Variants in SMYD4 observed in about 807,000 individuals in gnomAD.
SMYD4 encodes SET and MYND domain containing 4.
In SMYD4, 68 loss-of-function variants were observed where a neutral mutation model predicts 72.8. The ratio of observed to expected loss-of-function variants is 0.93; its 90% CI spans 0.77 to 1.14. The LOEUF is 1.14. Among genes scored for constraint, SMYD4 ranks in the 50% most tolerant of loss-of-function variants. The pLI, the probability that SMYD4 is intolerant of heterozygous loss-of-function variation, is 0.00. For missense variants in SMYD4, 984 were observed against 1,003.7 expected, an observed-to-expected ratio of 0.98 and a Z score of 0.27; for synonymous variants, 407 against 388.6, an observed-to-expected ratio of 1.05 and a Z score of -0.56.
In SMYD4 at chr17:1,800,725, C is replaced by G; in HGVS notation, c.669G>C (p.Glu223Asp). The change falls in exon 5 of 11, where the codon GAG (glutamate) becomes GAC (aspartate). Residue 223 changes from glutamate (E) to aspartate (D), a missense_variant. Glu to Asp is a conservative substitution (Grantham distance 45, BLOSUM62 2). Transcript: ENST00000305513. ...AGGCATTGGAAAGTTGTTCATTCTC[C>G]TCCCTCAGCGCTGCATCCTCAAGGG... ...AKTLEDAALR[E>D]ENEQLSNASS... 6.2e-7 allele frequency: 1 copy of G among 1,614,230 alleles called. No homozygotes were observed.
chr17:1,804,800 T>C (rs1256616486), intron 3 of SMYD4, 85 bp from the exon 4 acceptor site: 24 of 1,335,240 alleles, frequency 1.8e-5, no homozygotes, highest in Non-Finnish European at 2.1e-5. Context: ...GCTCTAGTAC[T>C]GAAGACTGTG....
chr17:1,785,925 A>C (rs959299870), intron 7 of SMYD4, among the ~76,000 whole-genome samples: 6 of 152,206 alleles, frequency 3.9e-5, no homozygotes, highest in Non-Finnish European at 8.8e-5. Flanking sequence ...GCAGAGGGGA[A>C]ACCTCCGAGG....
chr17:1,819,918 C>G (rs1682522140), intron 2 of SMYD4, among the ~76,000 whole-genome samples: 1 of 151,846 alleles, frequency 6.6e-6, no homozygotes, highest in South Asian at 2.1e-4. Context: ...CTCCCAAGTA[C>G]CTGGGATTAC....
chr17:1,791,619 G>A lies in SMYD4; in HGVS notation c.1538-4015C>T, dbSNP rs73976124. ...ACAATGAAAGTGAACCTTGCTGGTGGGCGCGTCAGTGGAACTTTCCTGGAG... is the reference window on the plus strand; with the variant it reads ...ACAATGAAAGTGAACCTTGCTGGTGAGCGCGTCAGTGGAACTTTCCTGGAG... On this transcript the variant is annotated intron_variant, in intron 5 of 10. Transcript: ENST00000305513. Among the ~76,000 whole-genome samples the A allele has an allele frequency of 9.2e-3, 1,399 of 152,236 alleles. 32 individuals carry two copies. The highest frequency in any genetic ancestry group is 0.032 in the African/African-American group (1,329 of 41,540).
intron 5 of SMYD4, among the ~76,000 whole-genome samples, chr17:1,791,551 A>T (rs545399308): frequency 6.6e-6 from 1 of 152,286 alleles, no homozygotes; most frequent in South Asian, 2.1e-4. Context: ...ATATAACAAG[A>T]TTAGAAATAT....
intron 5 of SMYD4, among the ~76,000 whole-genome samples, chr17:1,794,039 A>ATATATATATGTG (rs1567770772): frequency 0.013 from 886 of 68,042 alleles, 27 homozygotes; most frequent in Non-Finnish European, 0.018. Context: ...ATATATATGT[A>ATATATATATGTG]TGTATATATA....
chr17:1,816,344 G>A (rs1244495770), intron 2 of SMYD4, among the ~76,000 whole-genome samples: 2 of 151,768 alleles, frequency 1.3e-5, no homozygotes, highest in Admixed American at 6.6e-5. Flanking sequence ...TTTTGGCCAG[G>A]CGCGGTGGCT....
At position 1,787,581 on chromosome 17, in the gene SMYD4, C is replaced by T. The variant is rs746655849; in HGVS notation, c.1561G>A (p.Asp521Asn). Residue 521 changes from aspartate (D) to asparagine (N), a missense_variant, in exon 6 of 11, where the codon GAC becomes AAC. Coordinates refer to ENST00000305513, the MANE Select transcript of SMYD4 (RefSeq NM_052928.3). ...HTGPKGSIVT[D>N]SRQVRLATGI... ...GTGGCAAGGCGCACCTGCCTGCTGT[C>T]GGTAACGATGCTCCCTTTAGGTCCT... 5.5e-5 allele frequency: 87 copies of T among 1,592,446 alleles called. No individual in the cohort carries two copies. Among genetic ancestry groups the T allele is most frequent in the Non-Finnish European group, 7.0e-5 (82 of 1,169,596 alleles).
At chr17:1,823,477 A>G (rs375404372) in intron 2 of SMYD4, among the ~76,000 whole-genome samples, 2 of 151,924 alleles carry the variant, frequency 1.3e-5, no homozygotes, top group South Asian at 4.2e-4. Flanking sequence ...AATACCCAAG[A>G]TATTCTGGAA....
intron 7 of SMYD4, 124 bp from the exon 8 acceptor site, chr17:1,784,585 A>G: frequency 1.3e-6 from 2 of 1,489,082 alleles, no homozygotes; most frequent in South Asian, 1.3e-5. Context: ...CTGTAACAAT[A>G]CATCGTGACG....
chr17:1,789,763 T>TC (rs1391365264), intron 5 of SMYD4, among the ~76,000 whole-genome samples: 2,069 of 23,502 alleles, frequency 0.088, 137 homozygotes, highest in African/African-American at 0.15. Context: ...AGACTCTGTC[T>TC]CAAAAAAAAA....
At chr17:1,782,812 G>T (rs944058626) in intron 10 of SMYD4, 12 of 381,102 alleles carry the variant, frequency 3.1e-5, no homozygotes, top group African/African-American at 2.6e-4. Context: ...TGTCGCCCAG[G>T]CTACAGTGCA....
At chr17:1,807,386 G>A (rs1024383463) in intron 3 of SMYD4, among the ~76,000 whole-genome samples, 23 of 151,296 alleles carry the variant, frequency 1.5e-4, no homozygotes, top group Non-Finnish European at 2.2e-4. Flanking sequence ...GTGAAGTGGC[G>A]TGTTCTTGGC....
chr17:1,806,384 T>C (rs951325338), intron 3 of SMYD4, among the ~76,000 whole-genome samples: 6 of 152,062 alleles, frequency 3.9e-5, no homozygotes, highest in African/African-American at 1.4e-4. Flanking sequence ...AGGCGAACAC[T>C]GAACTGGAAA....
intron 5 of SMYD4, among the ~76,000 whole-genome samples, chr17:1,787,889 T>C (rs1908790438): frequency 6.6e-6 from 1 of 152,046 alleles, no homozygotes; most frequent in African/African-American, 2.4e-5. Context: ...AAAGAAGTAA[T>C]AAAAAAGGGA....
At position 1,786,825 on chromosome 17, in the gene SMYD4, G is replaced by T. The variant is rs111912022; in HGVS notation, c.1869C>A (p.Cys623Ter). ...AGAGAATTACCTGCATGGGCGCTCC[G>T]CAACTGTTGCAACAGAATGCTTCCC... Reference protein sequence around the residue: ...PRWEAFCCNSCGAPMQGDDVL... With the variant: ...PRWEAFCCNS The change falls in exon 7 of 11, where the codon TGC (cysteine) becomes TGA (stop). Residue 623 changes from cysteine to a stop codon, truncating the protein, a stop_gained. Coordinates refer to ENST00000305513, the MANE Select transcript of SMYD4 (RefSeq NM_052928.3). LOFTEE classifies it high-confidence loss of function. The T allele has an allele frequency of 1.2e-6, 2 of 1,614,176 alleles. No homozygotes were observed. The highest frequency in any genetic ancestry group is 1.7e-6 in the Non-Finnish European group (2 of 1,180,036).
intron 3 of SMYD4, among the ~76,000 whole-genome samples, chr17:1,811,361 T>A (rs904498237): frequency 6.6e-6 from 1 of 152,104 alleles, no homozygotes; most frequent in African/African-American, 2.4e-5. Flanking sequence ...AAAATTTGTG[T>A]GTGTGGAGAA....
At chr17:1,787,698 C>T in intron 5 of SMYD4, 94 bp from the exon 6 acceptor site, 1 of 1,304,692 alleles carries the variant, frequency 7.7e-7, no homozygotes, top group South Asian at 1.5e-5. Context: ...GCAGCTAGGC[C>T]TGCAGCCCGT....
intron 1 of SMYD4, chr17:1,829,518 C>CA (rs1911407483): frequency 6.6e-6 from 1 of 152,408 alleles, no homozygotes; most frequent in Non-Finnish European, 1.5e-5. Flanking sequence ...AGTGCCCCCA[C>CA]ACACTGTCCT....
Sources: allele counts gnomAD v4.1 joint callset (sites outside exome capture counted in the v4.1 genomes callset), GRCh38; gene constraint gnomAD v4.1.1; transcripts MANE v1.5; gene names NCBI Gene and HGNC (gene_info 2026-07-23, HGNC 2026-07-21).